Variants in BAHD1 observed in about 807,000 individuals in gnomAD.
The protein encoded by BAHD1 is bromo adjacent homology domain-containing 1 protein.
A neutral mutation model predicts 63.1 loss-of-function variants in BAHD1; 20 were observed. That is an observed-to-expected ratio of 0.32 (90% CI 0.22 to 0.46). The LOEUF is 0.46. Among genes scored for constraint, BAHD1 ranks in the 20% least tolerant of loss-of-function variants. BAHD1 has a pLI of 1.00. For missense variants in BAHD1, 939 were observed against 1,071.8 expected (o/e 0.88, Z 1.73); for synonymous variants, 408 against 426.8 (o/e 0.96, Z 0.54).
At position 40,459,423 on chromosome 15, in the gene BAHD1, G is replaced by T; in HGVS notation, c.959G>T (p.Gly320Val). 1.2e-6 allele frequency: 2 copies of T among 1,613,364 alleles called. No individual in the cohort carries two copies. Among genetic ancestry groups the T allele is most frequent in the Non-Finnish European group, 1.7e-6 (2 of 1,179,938 alleles). Residue 320 changes from glycine to valine, a missense_variant, in exon 2 of 7, where the codon GGA becomes GTA. Coordinates refer to ENST00000416165, the MANE Select transcript of BAHD1 (RefSeq NM_014952.5). ...CCTCACCTGCCCCTGCTGATGGGTG[G>T]ACAGGCGGCTCTGAAGCCGGAGCCT... ...LRPHLPLLMG[G>V]QAALKPEPGR...
In BAHD1 at chr15:40,444,153, CA is replaced by C. The variant is rs1325358315; in HGVS notation, c.-15+2886del. On this transcript the variant is annotated intron_variant, in intron 1 of 6. Coordinates refer to ENST00000416165, the MANE Select transcript of BAHD1 (RefSeq NM_014952.5). ...TGTGAATATTCTGGTATTTCTTGTA[CA>C]GTGCTGTGCACATCATTTTTGTTGA... Among the ~76,000 whole-genome samples, 3 of 151,988 alleles carry C rather than the reference CA, an allele frequency of 2.0e-5. No homozygotes were observed. The South Asian group carries it at 6.2e-4, about 32-fold the overall frequency.
At chr15:40,442,375 G>A (rs548355259) in intron 1 of BAHD1, among the ~76,000 whole-genome samples, 1 of 152,042 alleles carries the variant, frequency 6.6e-6, no homozygotes, top group South Asian at 2.1e-4. Flanking sequence ...TGGCCTCGAG[G>A]CTCTGGGAAG....
At chr15:40,450,144 G>A (rs1277226196) in intron 1 of BAHD1, among the ~76,000 whole-genome samples, 2 of 152,246 alleles carry the variant, frequency 1.3e-5, no homozygotes, top group Non-Finnish European at 2.9e-5. Flanking sequence ...CATAGGGCTG[G>A]CATCCTATTG....
chr15:40,456,241 G>A (rs935955878), intron 1 of BAHD1, among the ~76,000 whole-genome samples: 2 of 152,168 alleles, frequency 1.3e-5, no homozygotes, highest in Non-Finnish European at 2.9e-5. Context: ...GCCTCTCAAA[G>A]TGTGGGGATT....
chr15:40,465,676 G>T (rs1039094055), intron 6 of BAHD1, among the ~76,000 whole-genome samples: 2 of 152,228 alleles, frequency 1.3e-5, no homozygotes, highest in Non-Finnish European at 2.9e-5. Flanking sequence ...GAGTTGGGGG[G>T]TAACATTACT....
chr15:40,462,255 A>G lies in BAHD1; in HGVS notation c.1776A>G (p.Val592=). ...GTCGCCGCCGCACTAATGGCTGGGTACCTGTTGGGGCTGCGTGTGAGAAGG... is the reference window on the plus strand; with the variant it reads ...GTCGCCGCCGCACTAATGGCTGGGTGCCTGTTGGGGCTGCGTGTGAGAAGG... The part of the protein sequence containing the change: ...RRRRRRTNGW[V]PVGAACEKAV... The change falls in exon 3 of 7, where the codon GTA becomes GTG. Residue 592 remains valine (V), a synonymous_variant. Transcript: ENST00000416165. The G allele has an allele frequency of 9.3e-6, 15 of 1,611,030 alleles. No individual in the cohort carries two copies. Among genetic ancestry groups the G allele is most frequent in the Non-Finnish European group, 1.3e-5 (15 of 1,178,748 alleles).
rs780473884 is a variant in BAHD1 at position 40,458,620 on chromosome 15, C to T, written c.156C>T (p.Arg52=). Residue 52 remains arginine, a synonymous_variant, in exon 2 of 7, where the codon CGC becomes CGT. Coordinates refer to ENST00000416165, the MANE Select transcript of BAHD1 (RefSeq NM_014952.5). This position sits in a 1 kb window ranked among gnomAD's most constrained non-coding sequence, Gnocchi z 4.7. ...GCCCAGGTCACCTCACAGGGCGCCG[C>T]AAGAATTACCCACTTCGTAAGCGCC... ...PESPGHLTGR[R]KNYPLRKRPL... is the part of the protein sequence containing the mutation. 6.2e-7 allele frequency: 1 copy of T among 1,614,004 alleles called. No homozygotes were observed. The highest frequency in any genetic ancestry group is 2.2e-5 in the East Asian group (1 of 44,868).
chr15:40,466,176 G>T lies in BAHD1; in HGVS notation c.*46G>T. The stretch of plus-strand genomic sequence containing the variant: ...GGCTACCCATGGGCAAGTGGGGCTC[G>T]GGGTAGGGGGCACTGCTTGAAGCAC... On this transcript the variant is annotated 3_prime_UTR_variant, in exon 7 of 7. Transcript: ENST00000416165. 6.4e-7 allele frequency: 1 copy of T among 1,574,234 alleles called. No individual in the cohort carries two copies. The highest frequency in any genetic ancestry group is 8.7e-7 in the Non-Finnish European group (1 of 1,155,348).
intron 1 of BAHD1, among the ~76,000 whole-genome samples, chr15:40,456,434 C>G (rs980220137): frequency 6.6e-6 from 1 of 152,236 alleles, no homozygotes; most frequent in Non-Finnish European, 1.5e-5. Context: ...CTCTGTCTTG[C>G]CCGGGGCCTG....
At chr15:40,448,069 C>T (rs1893595925) in intron 1 of BAHD1, among the ~76,000 whole-genome samples, 1 of 152,064 alleles carries the variant, frequency 6.6e-6, no homozygotes. Context: ...TGGTGAAACC[C>T]TGTCTCTACT....
intron 1 of BAHD1, among the ~76,000 whole-genome samples, chr15:40,442,786 A>G (rs959734266): frequency 2.6e-5 from 4 of 152,204 alleles, no homozygotes; most frequent in African/African-American, 9.6e-5. Flanking sequence ...AAAGCTTTCC[A>G]GTCCTTTTAC....
chr15:40,463,757 T>G (rs576830948), intron 3 of BAHD1, 104 bp from the exon 4 acceptor site: 2 of 1,307,242 alleles, frequency 1.5e-6, no homozygotes, highest in Non-Finnish European at 1.1e-6. Flanking sequence ...AGGTAGTGGT[T>G]TGACTATCTT....
intron 1 of BAHD1, among the ~76,000 whole-genome samples, chr15:40,444,248 G>C (rs956269701): frequency 6.6e-6 from 1 of 152,182 alleles, no homozygotes; most frequent in Admixed American, 6.5e-5. Context: ...AGCTTCTCCA[G>C]AAATGCTCAT....
At chr15:40,461,055 C>T (rs1176430298) in intron 2 of BAHD1, among the ~76,000 whole-genome samples, 2 of 152,160 alleles carry the variant, frequency 1.3e-5, no homozygotes, top group Non-Finnish European at 2.9e-5. Flanking sequence ...GCACAGACTC[C>T]GAAGCCAGAC....
chr15:40,455,839 G>A (rs1246437563), intron 1 of BAHD1, among the ~76,000 whole-genome samples: 1 of 152,042 alleles, frequency 6.6e-6, no homozygotes, highest in Non-Finnish European at 1.5e-5. Context: ...AGTTGGGGAG[G>A]GCTGGACCTG....
intron 1 of BAHD1, among the ~76,000 whole-genome samples, chr15:40,445,456 C>T (rs1173336358): frequency 6.6e-6 from 1 of 152,152 alleles, no homozygotes; most frequent in Non-Finnish European, 1.5e-5. Context: ...TTCCAGCATC[C>T]AGGAGGACTT....
rs920569138 is a variant in BAHD1 at position 40,462,144 on chromosome 15, C to T, written c.1665C>T (p.Cys555=). 3.1e-6 allele frequency: 5 copies of T among 1,612,126 alleles called. No homozygotes were observed. The Admixed American group carries it at 5.0e-5, about 16-fold the overall frequency. The change falls in exon 3 of 7, where the codon TGC becomes TGT. Residue 555 remains cysteine, a synonymous_variant. Coordinates refer to ENST00000416165, the MANE Select transcript of BAHD1 (RefSeq NM_014952.5). ...SKSGLRTGSS[C]RHTARSKAAR... is the part of the protein sequence containing the mutation. ...CAGGTCTGCGCACAGGCTCCAGCTG[C>T]AGGCACACTGCAAGGAGCAAGGCTG...
intron 1 of BAHD1, among the ~76,000 whole-genome samples, chr15:40,446,336 A>G (rs1020576148): frequency 3.3e-5 from 5 of 152,238 alleles, no homozygotes; most frequent in African/African-American, 1.2e-4. Context: ...ACACCGGCCC[A>G]GCCCTGGGGT....
intron 1 of BAHD1, chr15:40,443,454 T>G (rs1004162117): frequency 1.0e-5 from 4 of 385,514 alleles, no homozygotes; most frequent in Non-Finnish European, 1.4e-5. Context: ...GCATGTGATT[T>G]CTTTTGGTGG....
Sources: allele counts gnomAD v4.1 joint callset (sites outside exome capture counted in the v4.1 genomes callset), GRCh38; gene constraint gnomAD v4.1.1; non-coding constraint Gnocchi (gnomAD v3.1); transcripts MANE v1.5; gene names NCBI Gene and HGNC (gene_info 2026-07-23, HGNC 2026-07-21).